Variants in CDC42BPA observed in about 807,000 individuals in gnomAD.
CDC42BPA encodes CDC42 binding protein kinase alpha.
In CDC42BPA, 80 loss-of-function variants were observed where a neutral mutation model predicts 223.5. The observed-to-expected ratio is 0.36, with a 90% CI of 0.30 to 0.43. CDC42BPA has a LOEUF of 0.43. Ranked by LOEUF, CDC42BPA falls within the 20% of genes least tolerant of loss-of-function variation. CDC42BPA has a pLI of 1.00. For missense variants in CDC42BPA, 1,743 were observed against 2,099.9 expected (o/e 0.83, Z 3.32); for synonymous variants, 694 against 718.6 (o/e 0.97, Z 0.55).
intron 15 of CDC42BPA, among the ~76,000 whole-genome samples, chr1:227,098,955 C>A (rs977896826): frequency 2.6e-5 from 4 of 151,938 alleles, no homozygotes; most frequent in Non-Finnish European, 5.9e-5. Context: ...TAGTCCATAA[C>A]TGCGTAAATT....
At chr1:227,089,075 A>T (rs1308533732) in intron 16 of CDC42BPA, among the ~76,000 whole-genome samples, 1 of 152,174 alleles carries the variant, frequency 6.6e-6, no homozygotes, top group Non-Finnish European at 1.5e-5. Context: ...GATTTACAAA[A>T]ATGTCATCTA....
intron 14 of CDC42BPA, among the ~76,000 whole-genome samples, chr1:227,104,850 C>T (rs1374932911): frequency 6.6e-6 from 1 of 151,962 alleles, no homozygotes; most frequent in Non-Finnish European, 1.5e-5. Context: ...CCAACCATAC[C>T]AATATCTTGA....
intron 2 of CDC42BPA, among the ~76,000 whole-genome samples, chr1:227,226,456 A>G (rs964217662): frequency 3.2e-4 from 48 of 152,236 alleles, no homozygotes; most frequent in African/African-American, 1.2e-3. Context: ...GGATGCAATT[A>G]TATCATAGTC....
At chr1:227,058,528 T>C (rs138537282) in intron 21 of CDC42BPA, among the ~76,000 whole-genome samples, 1 of 152,290 alleles carries the variant, frequency 6.6e-6, no homozygotes, top group Non-Finnish European at 1.5e-5. Context: ...CTATTTTACA[T>C]AGTATATGAA....
At chr1:227,140,127 A>G (rs1372535862) in intron 9 of CDC42BPA, among the ~76,000 whole-genome samples, 1 of 152,210 alleles carries the variant, frequency 6.6e-6, no homozygotes, top group Non-Finnish European at 1.5e-5. Context: ...TCTTTACTAG[A>G]ATTTGAAATT....
intron 5 of CDC42BPA, among the ~76,000 whole-genome samples, chr1:227,172,255 T>C (rs1666226279): frequency 1.3e-5 from 2 of 152,178 alleles, no homozygotes; most frequent in Admixed American, 6.5e-5. Context: ...AAAACAGTTA[T>C]TCAAAAAATT....
intron 17 of CDC42BPA, among the ~76,000 whole-genome samples, chr1:227,077,466 C>T (rs1172442602): frequency 1.3e-5 from 2 of 152,060 alleles, no homozygotes; most frequent in East Asian, 1.9e-4. Flanking sequence ...TACTGAAACG[C>T]TTTGTAATTA....
At chr1:227,111,196 T>C (rs1686844892) in intron 14 of CDC42BPA, among the ~76,000 whole-genome samples, 1 of 152,162 alleles carries the variant, frequency 6.6e-6, no homozygotes, top group Admixed American at 6.5e-5. Context: ...AGACTAAGCA[T>C]GGTCCTAAAA....
chr1:227,012,333 A>G (rs1189572041), intron 34 of CDC42BPA, among the ~76,000 whole-genome samples: 1 of 152,170 alleles, frequency 6.6e-6, no homozygotes, highest in Non-Finnish European at 1.5e-5. Flanking sequence ...TTATTTTAAA[A>G]ATTCAAGAAA....
chr1:227,294,082 T>C lies in CDC42BPA; in HGVS notation c.178+22923A>G, dbSNP rs1690179307. 5.9e-5 allele frequency among the ~76,000 whole-genome samples: 9 copies of C among 151,786 alleles called. 1 individual carries two copies. In the South Asian group the frequency reaches 1.7e-3, roughly 28 times the overall value. On this transcript the variant is annotated intron_variant, in intron 1 of 36. Transcript: ENST00000366766. The stretch of plus-strand genomic sequence containing the variant: ...GTCAGAAGATCAAGACCATCCTGGC[T>C]AACACAGTGAAACCCCGTCTCTACT...
At position 227,162,932 on chromosome 1, in the gene CDC42BPA, ATG is replaced by A. The variant is rs544787211; in HGVS notation, c.600-2298_600-2297del. ...TGTATATGTGTGTGTTTCCAAACAT[ATG>A]TGTGTGTTTCCAAACATATATGTTT... On this transcript the variant is annotated intron_variant, in intron 5 of 36. Coordinates refer to ENST00000366766, the MANE Select transcript of CDC42BPA (RefSeq NM_001394014.1). 6.9e-3 allele frequency among the ~76,000 whole-genome samples: 1,025 copies of A among 148,316 alleles called. 9 individuals are homozygous for A. Among genetic ancestry groups the A allele is most frequent in the African/African-American group, 0.022 (862 of 39,096 alleles).
chr1:227,282,219 AT>A (rs1203886774), intron 1 of CDC42BPA, among the ~76,000 whole-genome samples: 1 of 151,686 alleles, frequency 6.6e-6, no homozygotes, highest in Non-Finnish European at 1.5e-5. Flanking sequence ...GAAAAGAAAA[AT>A]TTTAAGTGAA....
rs546510404 is a variant in CDC42BPA at position 227,199,598 on chromosome 1, T to C, written c.409A>G (p.Ile137Val). The change falls in exon 4 of 37, where the codon ATT becomes GTT. Residue 137 changes from isoleucine to valine, a missense_variant. Physicochemically the swap from Ile to Val is conservative, Grantham distance 29. Transcript: ENST00000366766. ...TGGAAAGCATAGTGCAAGGTTGTAA[T>C]CCATTTATTGTCTCCATTCACTAAT... ...DVLVNGDNKWITTLHYAFQDD... is the reference protein window; with the variant it reads ...DVLVNGDNKWVTTLHYAFQDD... 1 of 1,608,290 alleles carries C rather than the reference T, an allele frequency of 6.2e-7. No individual in the cohort carries two copies. Among genetic ancestry groups the C allele is most frequent in the Non-Finnish European group, 8.5e-7 (1 of 1,175,960 alleles).
intron 16 of CDC42BPA, among the ~76,000 whole-genome samples, chr1:227,089,627 GTTTTTTTTTTTTTTT>G (rs72110440): frequency 8.6e-6 from 1 of 116,718 alleles, no homozygotes; most frequent in East Asian, 2.5e-4. Context: ...GGGTAATTCC[GTTTTTTTTTTTTTTT>G]TTTTTTTTTA....
intron 1 of CDC42BPA, among the ~76,000 whole-genome samples, chr1:227,299,332 A>G (rs1464058883): frequency 6.6e-6 from 1 of 152,182 alleles, no homozygotes; most frequent in African/African-American, 2.4e-5. Flanking sequence ...AACATAAATG[A>G]GAAACACTGT....
chr1:227,132,145 C>G (rs1348462211), intron 10 of CDC42BPA, among the ~76,000 whole-genome samples: 1 of 151,904 alleles, frequency 6.6e-6, no homozygotes, highest in Non-Finnish European at 1.5e-5. Flanking sequence ...CCTCTCCCCA[C>G]GGTCTTCCTC....
chr1:227,304,962 C>G (rs1281678804), intron 1 of CDC42BPA, among the ~76,000 whole-genome samples: 2 of 152,058 alleles, frequency 1.3e-5, no homozygotes, highest in Non-Finnish European at 2.9e-5. Flanking sequence ...TTTAAGATGA[C>G]AGTGGAAAAT....
chr1:227,112,730 T>A lies in CDC42BPA; in HGVS notation c.1831A>T (p.Met611Leu), dbSNP rs756306937. ...TGCCTTAAGCTTTCAACTTTTTGCA[T>A]CACCAGGTCCACCTCTTCTTCCTTA... ...RDKEEEVDLV[M>L]QKVESLRQEL... The change falls in exon 13 of 37, where the codon ATG becomes TTG. Residue 611 changes from methionine to leucine, a missense_variant. Transcript: ENST00000366766. The A allele has an allele frequency of 1.2e-6, 2 of 1,614,184 alleles. No individual in the cohort carries two copies. The highest frequency in any genetic ancestry group is 1.7e-6 in the Non-Finnish European group (2 of 1,180,006).
intron 1 of CDC42BPA, among the ~76,000 whole-genome samples, chr1:227,284,993 T>G (rs1429283021): frequency 6.6e-6 from 1 of 150,946 alleles, no homozygotes; most frequent in Non-Finnish European, 1.5e-5. Context: ...CCCTTTGTTC[T>G]GGATCAAAGC....
Sources: allele counts gnomAD v4.1 joint callset (sites outside exome capture counted in the v4.1 genomes callset), GRCh38; gene constraint gnomAD v4.1.1; transcripts MANE v1.5; gene names NCBI Gene and HGNC (gene_info 2026-07-23, HGNC 2026-07-21).